GPR63: variants seen among roughly 807,000 people sequenced by gnomAD.
The protein encoded by GPR63 is G protein-coupled receptor 63, also known as probable G protein-coupled receptor 63.
In GPR63, 12 loss-of-function variants were observed where a neutral mutation model predicts 23.1. The observed-to-expected ratio is 0.52, with a 90% CI of 0.33 to 0.84. The LOEUF is 0.84. Among genes scored for constraint, GPR63 ranks in the 40% least tolerant of loss-of-function variants. GPR63 has a pLI of 0.02. For synonymous variants in GPR63, 172 were observed against 191.1 expected, an observed-to-expected ratio of 0.90 and a Z score of 0.82; for missense variants, 472 against 515.6, an observed-to-expected ratio of 0.92 and a Z score of 0.82.
At chr6:96,817,619 TCAA>T (rs1374381840) in intron 1 of GPR63, among the ~76,000 whole-genome samples, 1 of 152,038 alleles carries the variant, frequency 6.6e-6, no homozygotes, top group East Asian at 1.9e-4. Flanking sequence ...AACTGATAAA[TCAA>T]CGTCATTATA....
chr6:96,804,716 G>A (rs547193732), intron 1 of GPR63, among the ~76,000 whole-genome samples: 4 of 151,598 alleles, frequency 2.6e-5, no homozygotes, highest in Admixed American at 6.6e-5. Context: ...TTACTTTTTG[G>A]TTTATCACTT....
chr6:96,829,943 A>G (rs1343163407), intron 1 of GPR63, among the ~76,000 whole-genome samples: 1 of 152,168 alleles, frequency 6.6e-6, no homozygotes, highest in African/African-American at 2.4e-5. Context: ...TCTCTACTAT[A>G]TATTATACAT....
At chr6:96,818,005 T>C (rs1774207097) in intron 1 of GPR63, among the ~76,000 whole-genome samples, 1 of 151,732 alleles carries the variant, frequency 6.6e-6, no homozygotes, top group Non-Finnish European at 1.5e-5. Context: ...TCAGGATCCA[T>C]ACTTAAGAAA....
chr6:96,799,652 A>G lies in GPR63; in HGVS notation c.80T>C (p.Met27Thr), dbSNP rs749557151. 8 of 1,614,170 alleles carry G rather than the reference A, an allele frequency of 5.0e-6. No homozygotes were observed. The highest frequency in any genetic ancestry group is 6.8e-6 in the Non-Finnish European group (8 of 1,180,006). ...TTFVVYENTY[M>T]NITLPPPFQH... ...GAATGGTGGAGGGAGTGTAATATTC[A>G]TGTAGGTGTTTTCATACACGACAAA... Residue 27 changes from methionine to threonine, a missense_variant, in exon 2 of 2, where the codon ATG becomes ACG. By Grantham distance (81) the Met-to-Thr change is moderately conservative (BLOSUM62 -1). Coordinates refer to ENST00000229955, the MANE Select transcript of GPR63 (RefSeq NM_030784.4).
intron 1 of GPR63, among the ~76,000 whole-genome samples, chr6:96,800,500 T>C (rs1177070240): frequency 1.3e-5 from 2 of 152,140 alleles, no homozygotes; most frequent in Non-Finnish European, 2.9e-5. Context: ...AATTCATCAA[T>C]TTTTTTCATT....
intron 1 of GPR63, among the ~76,000 whole-genome samples, chr6:96,828,549 C>T (rs1337330246): frequency 8.4e-6 from 1 of 119,024 alleles, no homozygotes; most frequent in African/African-American, 3.4e-5. Flanking sequence ...CCTGACCCCC[C>T]AAATAAAAAC....
Position 96,817,358 on chromosome 6 carries a change from T to C in GPR63, c.-150-17477A>G, listed in dbSNP as rs191111457. Among the ~76,000 whole-genome samples the C allele has an allele frequency of 2.4e-3, 370 of 152,156 alleles. 1 individual carries two copies. The highest frequency in any genetic ancestry group is 8.6e-3 in the African/African-American group (356 of 41,514). On this transcript the variant is annotated intron_variant, in intron 1 of 1. Transcript: ENST00000229955. ...GACTAAAGTTGAAAATATATATATATATAAAATATACCAAATACTGACCAG... is the reference window on the plus strand; with the variant it reads ...GACTAAAGTTGAAAATATATATATACATAAAATATACCAAATACTGACCAG...
At chr6:96,835,941 CTT>C (rs1406360384) in intron 1 of GPR63, among the ~76,000 whole-genome samples, 5 of 152,112 alleles carry the variant, frequency 3.3e-5, no homozygotes, top group African/African-American at 1.2e-4. Context: ...TCAAGGCACT[CTT>C]TTATTTAAAT....
chr6:96,799,040 A>G lies in GPR63; in HGVS notation c.692T>C (p.Phe231Ser). 6.2e-7 allele frequency: 1 copy of G among 1,614,188 alleles called. No homozygotes were observed. Among genetic ancestry groups the G allele is most frequent in the South Asian group, 1.1e-5 (1 of 91,090 alleles). ...GTAGCCTGGATTGGTTGTGTACCCA[A>G]ACACACACTGGGGAGCTCGGGAAGG... ...QIPSRAPQCV[F>S]GYTTNPGYQA... The change falls in exon 2 of 2, where the codon TTT (phenylalanine) becomes TCT (serine). Residue 231 changes from phenylalanine to serine, a missense_variant. Transcript: ENST00000229955.
intron 1 of GPR63, among the ~76,000 whole-genome samples, chr6:96,823,659 C>G (rs1343942249): frequency 6.6e-6 from 1 of 151,794 alleles, no homozygotes; most frequent in Non-Finnish European, 1.5e-5. Flanking sequence ...CATTAATATC[C>G]CAGACTTTCA....
intron 1 of GPR63, among the ~76,000 whole-genome samples, chr6:96,828,543 A>AC (rs1458052818): frequency 1.5e-5 from 2 of 137,910 alleles, no homozygotes; most frequent in Non-Finnish European, 3.1e-5. Flanking sequence ...TAATCTCCTG[A>AC]CCCCCCAAAT....
At chr6:96,831,830 C>T (rs1774590089) in intron 1 of GPR63, among the ~76,000 whole-genome samples, 2 of 151,696 alleles carry the variant, frequency 1.3e-5, no homozygotes, top group Non-Finnish European at 2.9e-5. Context: ...CGCTTGAACC[C>T]GGGAGGCGGA....
chr6:96,816,387 TAG>T (rs1774164018), intron 1 of GPR63, among the ~76,000 whole-genome samples: 1 of 152,140 alleles, frequency 6.6e-6, no homozygotes, highest in African/African-American at 2.4e-5. Context: ...AAAACATTCC[TAG>T]AGAGCCTTAA....
chr6:96,808,335 T>A (rs1228902354), intron 1 of GPR63, among the ~76,000 whole-genome samples: 1 of 152,120 alleles, frequency 6.6e-6, no homozygotes, highest in Non-Finnish European at 1.5e-5. Context: ...GTAAAAAGAA[T>A]CTTAACAGTG....
At chr6:96,836,457 C>G (rs1326729582) in intron 1 of GPR63, among the ~76,000 whole-genome samples, 1 of 152,066 alleles carries the variant, frequency 6.6e-6, no homozygotes. Context: ...AAACTTCATC[C>G]TACCTCACTA....
intron 1 of GPR63, among the ~76,000 whole-genome samples, chr6:96,822,069 AGGAT>A (rs1774328380): frequency 6.6e-6 from 1 of 152,194 alleles, no homozygotes; most frequent in African/African-American, 2.4e-5. Flanking sequence ...AAAAAATCAA[AGGAT>A]GGATCCTCAG....
intron 1 of GPR63, among the ~76,000 whole-genome samples, chr6:96,821,678 C>T (rs945226723): frequency 1.8e-4 from 27 of 152,050 alleles, no homozygotes. Flanking sequence ...TGTGATTATC[C>T]CTGAGAGCTC....
At chr6:96,800,994 ACTTT>A in intron 1 of GPR63, among the ~76,000 whole-genome samples, 1 of 152,152 alleles carries the variant, frequency 6.6e-6, no homozygotes, top group East Asian at 1.9e-4. Flanking sequence ...TCTGTAAGGG[ACTTT>A]CTTTATCTGC....
rs1774768020 is a variant in GPR63, at chr6:96,837,459, G to GGGAGCT, written c.-348_-343dup. 1 of 153,660 alleles carries GGGAGCT rather than the reference G, an allele frequency of 6.5e-6. No homozygotes were observed. The highest frequency in any genetic ancestry group is 1.5e-5 in the Non-Finnish European group (1 of 68,908). The allele number at this position is 153,660 out of a possible 1,614,324, so 9.5% of individuals were successfully genotyped here. A position where few individuals can be genotyped will look rare whatever the true frequency, so the allele number is the denominator to read the frequency against. ...CGGCGGCGATACAGGCGGCGGTGGC[G>GGGAGCT]GGAGCTGGAGCTGAAAGTGAGGAGC... is the stretch of plus-strand genomic sequence containing the variant. On this transcript the variant is annotated 5_prime_UTR_variant, in exon 1 of 2. Coordinates refer to ENST00000229955, the MANE Select transcript of GPR63 (RefSeq NM_030784.4).
Sources: gnomAD v4.1 joint callset for allele counts (sites outside exome capture counted in the v4.1 genomes callset) on GRCh38, gnomAD v4.1.1 for gene constraint, MANE v1.5 for transcripts, NCBI Gene and HGNC (gene_info 2026-07-23, HGNC 2026-07-21) for gene names.